The following PDK2 variants were observed in gnomAD, a reference collection of about 807,000 sequenced individuals.
The protein encoded by PDK2 is pyruvate dehydrogenase kinase 2.
PDK2 carries 34 observed loss-of-function variants against 50.4 expected under a neutral mutation model. The observed-to-expected ratio is 0.68, with a 90% CI of 0.51 to 0.90. PDK2 has a LOEUF of 0.90. PDK2 is among the 40% of genes least tolerant of loss of function. The pLI is 0.00. For synonymous variants in PDK2, 232 were observed against 216.0 expected, an observed-to-expected ratio of 1.07 and a Z score of -0.65; for missense variants, 377 against 544.5, an observed-to-expected ratio of 0.69 and a Z score of 3.06.
intron 9 of PDK2, 33 bp downstream of exon 9, chr17:50,108,752 C>G (rs1341205170): frequency 7.8e-7 from 1 of 1,275,694 alleles, no homozygotes; most frequent in Non-Finnish European, 1.1e-6. Flanking sequence ...CCTCCCACCT[C>G]CTGAGGGAGG....
Position 50,110,286 on chromosome 17 carries a change from A to T in PDK2, c.*189A>T. 1 of 505,248 alleles carries T rather than the reference A, an allele frequency of 2.0e-6. No homozygotes were observed. The highest frequency in any genetic ancestry group is 3.2e-6 in the Non-Finnish European group (1 of 313,566). 31.3% of individuals were successfully genotyped at this position (505,248 alleles called of 1,614,324 possible). On this transcript the variant is annotated 3_prime_UTR_variant, in exon 11 of 11. Coordinates refer to ENST00000503176, the MANE Select transcript of PDK2 (RefSeq NM_002611.5). ...TAAGTGCCAGTCCATCTCTGTGGAG[A>T]CCCCTCGGTGGCCTCCCTATCTCTG...
Position 50,110,261 on chromosome 17 carries a change from T to C in PDK2, c.*164T>C, listed in dbSNP as rs1265577977. On this transcript the variant is annotated 3_prime_UTR_variant, in exon 11 of 11. Coordinates refer to ENST00000503176, the MANE Select transcript of PDK2 (RefSeq NM_002611.5). ...GCGGTGATAGGTCTGTGATGGTCCCTAAGTGCCAGTCCATCTCTGTGGAGA... is the reference window on the plus strand; with the variant it reads ...GCGGTGATAGGTCTGTGATGGTCCCCAAGTGCCAGTCCATCTCTGTGGAGA... 4.5e-6 allele frequency: 3 copies of C among 668,612 alleles called. No individual in the cohort carries two copies. The African/African-American group carries it at 5.5e-5, about 12-fold the overall frequency. 41.4% of individuals were successfully genotyped at this position (668,612 alleles called of 1,614,324 possible). A position where few individuals can be genotyped will look rare whatever the true frequency, so the allele number is the denominator to read the frequency against.
intron 2 of PDK2, among the ~76,000 whole-genome samples, chr17:50,098,243 A>G (rs958159728): frequency 1.3e-5 from 2 of 152,156 alleles, no homozygotes; most frequent in Non-Finnish European, 2.9e-5. Context: ...GCTAATCCTC[A>G]TTGACTTTGG....
intron 8 of PDK2, 30 bp downstream of exon 8, chr17:50,108,447 G>T: frequency 6.4e-7 from 1 of 1,567,892 alleles, no homozygotes; most frequent in Non-Finnish European, 8.8e-7. Flanking sequence ...TGGGGACCAG[G>T]GAGCAGTAGT....
chr17:50,102,061 G>T (rs1373774519), intron 2 of PDK2: 1 of 152,286 alleles, frequency 6.6e-6, no homozygotes, highest in African/African-American at 2.4e-5. Context: ...TCTCTGGCCT[G>T]CAAGGGGTGG....
rs570482316 is a variant in PDK2 at position 50,108,712 on chromosome 17, C to T, written c.962C>T (p.Thr321Met). 24 of 1,605,590 alleles carry T rather than the reference C, an allele frequency of 1.5e-5. No individual in the cohort carries two copies. Among genetic ancestry groups the T allele is most frequent in the South Asian group, 7.8e-5 (7 of 90,192 alleles). ...ACCCCCCAGCCTGGCACCGGGGGAA[C>T]GCCGCTGGTGAGATGGCTTCACCCC... The part of the protein sequence containing the change: ...APTPQPGTGG[T>M]PLAGFGYGLP... Residue 321 changes from threonine to methionine, a missense_variant, in exon 9 of 11, where the codon ACG (threonine) becomes ATG (methionine). Transcript: ENST00000503176.
chr17:50,104,901 C>T (rs970794049), intron 2 of PDK2, among the ~76,000 whole-genome samples: 58 of 152,344 alleles, frequency 3.8e-4, no homozygotes, highest in African/African-American at 1.4e-3. Flanking sequence ...CCTGTGCTGG[C>T]CCTTCTGCCA....
chr17:50,108,192 T>TC lies in PDK2; in HGVS notation c.726dup (p.Ser243LeufsTer9). The TC allele has an allele frequency of 6.3e-7, 1 of 1,598,348 alleles. No individual in the cohort carries two copies. The highest frequency in any genetic ancestry group is 8.5e-7 in the Non-Finnish European group (1 of 1,171,252). Reference sequence around the variant, plus strand: ...AAACAGCCGATTCACATGGTCTACGTCCCCTCCCACCTCTACCACATGCTC... The same window carrying TC: ...AAACAGCCGATTCACATGGTCTACGTCCCCCTCCCACCTCTACCACATGCTC... On this transcript the variant is annotated frameshift_variant, in exon 7 of 11. Coordinates refer to ENST00000503176, the MANE Select transcript of PDK2 (RefSeq NM_002611.5). LOFTEE classifies it high-confidence loss of function.
At position 50,110,258 on chromosome 17, in the gene PDK2, C is replaced by A; in HGVS notation, c.*161C>A. 3 of 688,716 alleles carry A rather than the reference C, an allele frequency of 4.4e-6. No homozygotes were observed. Among genetic ancestry groups the A allele is most frequent in the Non-Finnish European group, 6.7e-6 (3 of 449,678 alleles). 42.7% of individuals were successfully genotyped at this position (688,716 alleles called of 1,614,324 possible). ...ACTGCGGTGATAGGTCTGTGATGGT[C>A]CCTAAGTGCCAGTCCATCTCTGTGG... On this transcript the variant is annotated 3_prime_UTR_variant, in exon 11 of 11. Transcript: ENST00000503176.
intron 2 of PDK2, among the ~76,000 whole-genome samples, chr17:50,100,526 G>A (rs1053832252): frequency 4.6e-5 from 7 of 152,184 alleles, no homozygotes; most frequent in African/African-American, 1.7e-4. Context: ...CCAATACAAG[G>A]CATATCCCCA....
At chr17:50,095,171 A>G, upstream of PDK2, 1 of 419,260 alleles carries the variant, frequency 2.4e-6, no homozygotes, top group Non-Finnish European at 4.3e-6. Context: ...TCCCCAAAAC[A>G]ACAGGCCGCC....
rs1314279049 is a variant in PDK2, at chr17:50,111,677, A to G, written c.*1580A>G. The G allele has an allele frequency of 6.6e-6, 1 of 152,310 alleles. No individual in the cohort carries two copies. Among genetic ancestry groups the G allele is most frequent in the Non-Finnish European group, 1.5e-5 (1 of 68,122 alleles). 9.4% of individuals were successfully genotyped at this position (152,310 alleles called of 1,614,324 possible). ...TTCCAAGCGGGAGCCCCCAGGCCTC[A>G]TCGGTAACTCTGACCAGTGTCCTGG... On this transcript the variant is annotated 3_prime_UTR_variant, in exon 11 of 11. Transcript: ENST00000503176.
intron 5 of PDK2, 64 bp from the exon 6 acceptor site, chr17:50,107,012 A>G (rs1910552419): frequency 1.4e-6 from 2 of 1,480,428 alleles, no homozygotes; most frequent in South Asian, 1.1e-5. Flanking sequence ...CCCCAGTATC[A>G]ATGTCAGGAG....
At chr17:50,108,009 C>T (rs1480467176) in intron 6 of PDK2, 147 bp from the exon 7 acceptor site, 1 of 670,738 alleles carries the variant, frequency 1.5e-6, no homozygotes, top group South Asian at 1.7e-5. Flanking sequence ...ACCAGCTACC[C>T]CAGCTCAAGG....
chr17:50,097,390 G>A, intron 1 of PDK2, 33 bp from the exon 2 acceptor site: 1 of 1,610,176 alleles, frequency 6.2e-7, no homozygotes, highest in South Asian at 1.1e-5. Flanking sequence ...CATAGTCTGT[G>A]GCTCTGTGGC....
At chr17:50,105,544 C>A in intron 3 of PDK2, 102 bp downstream of exon 3, 1 of 958,256 alleles carries the variant, frequency 1.0e-6, no homozygotes, top group Non-Finnish European at 1.6e-6. Context: ...AAGAAAAGAC[C>A]CCTGCCTTCA....
At chr17:50,100,530 A>G (rs3826437) in intron 2 of PDK2, among the ~76,000 whole-genome samples, 37,959 of 152,116 alleles carry the variant, frequency 0.25, 5,582 homozygotes, top group South Asian at 0.43. Context: ...TACAAGGCAT[A>G]TCCCCAGGCT....
intron 2 of PDK2, among the ~76,000 whole-genome samples, chr17:50,105,055 C>T (rs915491876): frequency 2.0e-5 from 3 of 152,224 alleles, no homozygotes; most frequent in Non-Finnish European, 4.4e-5. Flanking sequence ...ATCTCAGCCT[C>T]AGTCTCCTGA....
intron 3 of PDK2, 134 bp downstream of exon 3, chr17:50,105,576 G>A (rs1459476005): frequency 4.0e-6 from 3 of 753,036 alleles, no homozygotes; most frequent in African/African-American, 3.5e-5. Context: ...TCTGAGTGGG[G>A]AGACAGACTC....
Sources: allele counts gnomAD v4.1 joint callset (sites outside exome capture counted in the v4.1 genomes callset), GRCh38; gene constraint gnomAD v4.1.1; transcripts MANE v1.5; gene names NCBI Gene and HGNC (gene_info 2026-07-23, HGNC 2026-07-21).